The following PRUNE2 variants were observed in gnomAD, a reference collection of about 807,000 sequenced individuals.
PRUNE2 encodes prune homolog 2 with BCH domain, also known as protein prune homolog 2.
Under a neutral mutation model 252.0 loss-of-function variants are expected in PRUNE2, and 164 were observed. The observed-to-expected ratio is 0.65, with a 90% CI of 0.57 to 0.74. The LOEUF is 0.74. Among genes scored for constraint, PRUNE2 ranks in the 30% least tolerant of loss-of-function variants. The probability of loss-of-function intolerance (pLI) is 0.00; values close to 1 mark genes in which losing one functional copy is unlikely to be tolerated. For missense variants in PRUNE2, 3,495 were observed against 3,711.0 expected (o/e 0.94, Z 1.51); for synonymous variants, 1,292 against 1,350.2 (o/e 0.96, Z 0.94).
At chr9:76,642,857 C>G (rs903801138) in intron 12 of PRUNE2, among the ~76,000 whole-genome samples, 13 of 152,162 alleles carry the variant, frequency 8.5e-5, no homozygotes, top group African/African-American at 3.1e-4. Flanking sequence ...ATGGGTGCAG[C>G]CAGAGGCACA....
intron 6 of PRUNE2, among the ~76,000 whole-genome samples, chr9:76,753,426 T>C (rs7046452): frequency 0.66 from 100,179 of 152,028 alleles, 33,735 homozygotes; most frequent in East Asian, 0.83. Flanking sequence ...TGTAGGCCTG[T>C]GTTTTCTACT....
intron 9 of PRUNE2, among the ~76,000 whole-genome samples, chr9:76,685,982 G>A (rs565560598): frequency 1.3e-5 from 2 of 152,280 alleles, no homozygotes; most frequent in East Asian, 1.9e-4. Context: ...AGGTCATCCC[G>A]CTTACTTACA....
chr9:76,691,384 A>T (rs1251854705), intron 9 of PRUNE2, among the ~76,000 whole-genome samples: 1 of 152,240 alleles, frequency 6.6e-6, no homozygotes, highest in African/African-American at 2.4e-5. Context: ...TAACCTGTGT[A>T]TTCCTGGTTG....
intron 5 of PRUNE2, among the ~76,000 whole-genome samples, chr9:76,824,395 T>C (rs560780548): frequency 6.6e-6 from 1 of 152,200 alleles, no homozygotes; most frequent in Non-Finnish European, 1.5e-5. Context: ...TAAGCCCCCA[T>C]GTTTTCTAGT....
Position 76,846,698 on chromosome 9 carries a change from G to A in PRUNE2, c.345-20C>T, listed in dbSNP as rs945409238. On this transcript the variant is annotated intron_variant, in intron 3 of 18. Coordinates refer to ENST00000376718, the MANE Select transcript of PRUNE2 (RefSeq NM_015225.3). ...TCTTCACTGTAAAGCAAATGGAGGG[G>A]AGGAAGAGAAAGGGATATGGCATGT... is the stretch of plus-strand genomic sequence containing the variant. The A allele has an allele frequency of 1.2e-6, 2 of 1,605,596 alleles. No individual in the cohort carries two copies. Among genetic ancestry groups the A allele is most frequent in the East Asian group, 2.2e-5 (1 of 44,820 alleles).
chr9:76,715,842 T>G (rs2047102697), intron 6 of PRUNE2, among the ~76,000 whole-genome samples: 1 of 152,166 alleles, frequency 6.6e-6, no homozygotes, highest in Non-Finnish European at 1.5e-5. Flanking sequence ...ACCTCATTGC[T>G]AAACTTGTAG....
intron 6 of PRUNE2, among the ~76,000 whole-genome samples, chr9:76,807,051 T>TGTGTGTGTGTGTGTGTGCGCGCGC (rs60768420): frequency 7.2e-6 from 1 of 139,338 alleles, no homozygotes; most frequent in African/African-American, 2.8e-5. Flanking sequence ...TGTGTGTGTG[T>TGTGTGTGTGTGTGTGTGCGCGCGC]GCGCGCGCGC....
intron 1 of PRUNE2, among the ~76,000 whole-genome samples, chr9:76,895,896 G>A (rs1405929230): frequency 6.6e-6 from 1 of 152,136 alleles, no homozygotes; most frequent in Non-Finnish European, 1.5e-5. Context: ...TGATTCTCCT[G>A]CCTCAGCCTC....
At chr9:76,796,338 C>T (rs567030492) in intron 6 of PRUNE2, among the ~76,000 whole-genome samples, 2 of 152,134 alleles carry the variant, frequency 1.3e-5, no homozygotes, top group African/African-American at 4.8e-5. Flanking sequence ...GATCATTACC[C>T]CAGGGCACAG....
rs1460149531 is a variant in PRUNE2 at position 76,850,477 on chromosome 9, G to C, written c.330C>G (p.Ser110Arg). 4 of 1,613,640 alleles carry C rather than the reference G, an allele frequency of 2.5e-6. No individual in the cohort carries two copies. The African/African-American group carries it at 4.0e-5, about 16-fold the overall frequency. ...EGKLSITLVG[S>R]SVLASEDKTL... ...GTGGATCTTACCTCGCCAGCACACT[G>C]CTGCCAACAAGTGTTATCGATAACT... The change falls in exon 3 of 19, where the codon AGC becomes AGG. Residue 110 changes from serine to arginine, a missense_variant. By Grantham distance (110) the Ser-to-Arg change is moderately radical. Coordinates refer to ENST00000376718, the MANE Select transcript of PRUNE2 (RefSeq NM_015225.3).
Position 76,711,238 on chromosome 9 carries a change from C to T in PRUNE2, c.1036G>A (p.Val346Ile), listed in dbSNP as rs1411446773. Reference protein sequence around the residue: ...EDPSVTCDQVVLVVKEVINRR... With the variant: ...EDPSVTCDQVILVVKEVINRR... ...TTGATGACTTCCTTGACAACGAGAACCACCTGATCACAAGTCACTGAAGGG... is the reference window on the plus strand; with the variant it reads ...TTGATGACTTCCTTGACAACGAGAATCACCTGATCACAAGTCACTGAAGGG... Residue 346 changes from valine (V) to isoleucine (I), a missense_variant, in exon 8 of 19, where the codon GTT becomes ATT. Val to Ile is a conservative substitution (Grantham distance 29, BLOSUM62 3). Transcript: ENST00000376718. 1.2e-6 allele frequency: 2 copies of T among 1,613,810 alleles called. No individual in the cohort carries two copies. Among genetic ancestry groups the T allele is most frequent in the Admixed American group, 1.7e-5 (1 of 59,990 alleles).
At chr9:76,782,236 AT>A (rs1314468771) in intron 6 of PRUNE2, among the ~76,000 whole-genome samples, 1 of 152,094 alleles carries the variant, frequency 6.6e-6, no homozygotes, top group Non-Finnish European at 1.5e-5. Flanking sequence ...AAAAGAAAGC[AT>A]TGGGAAAGCC....
At chr9:76,632,698 C>T (rs773599269) in intron 15 of PRUNE2, among the ~76,000 whole-genome samples, 27 of 152,148 alleles carry the variant, frequency 1.8e-4, no homozygotes, top group Non-Finnish European at 2.8e-4. Context: ...GCTAGGACTA[C>T]AGGCACATGC....
At chr9:76,694,006 C>A (rs976329828) in intron 9 of PRUNE2, among the ~76,000 whole-genome samples, 1 of 152,070 alleles carries the variant, frequency 6.6e-6, no homozygotes, top group East Asian at 1.9e-4. Context: ...AAAATAACTT[C>A]GGAGCTGGTT....
rs756203841 is a variant in PRUNE2, at chr9:76,710,999, G to A, written c.1275C>T (p.Ser425=). 3 of 1,613,114 alleles carry A rather than the reference G, an allele frequency of 1.9e-6. No homozygotes were observed. The highest frequency in any genetic ancestry group is 1.3e-5 in the African/African-American group (1 of 74,924). Residue 425 remains serine (S), a synonymous_variant, in exon 8 of 19, where the codon AGC becomes AGT. Coordinates refer to ENST00000376718, the MANE Select transcript of PRUNE2 (RefSeq NM_015225.3). ...AQVDANVDLV[S]PDSGLATIRS... ...TAATGGTAGCCAGTCCGCTGTCTGG[G>A]CTAACAAGGTCTACATTGGCATCCA...
intron 1 of PRUNE2, among the ~76,000 whole-genome samples, chr9:76,881,213 G>A (rs991186918): frequency 2.4e-4 from 36 of 152,114 alleles, no homozygotes; most frequent in South Asian, 4.2e-4. Flanking sequence ...TGATCCACCC[G>A]CCTTGGCCTC....
intron 11 of PRUNE2, among the ~76,000 whole-genome samples, chr9:76,645,338 CAG>C (rs1167468103): frequency 2.0e-5 from 3 of 152,148 alleles, no homozygotes; most frequent in Non-Finnish European, 2.9e-5. Flanking sequence ...CTTCAGTGCT[CAG>C]AGTCTTTTGG....
intron 1 of PRUNE2, among the ~76,000 whole-genome samples, chr9:76,887,133 T>C (rs1252674477): frequency 6.6e-6 from 1 of 152,186 alleles, no homozygotes; most frequent in Non-Finnish European, 1.5e-5. Flanking sequence ...CAGGCAGTCA[T>C]ATTCCATAAA....
chr9:76,627,581 G>T (rs1012119017), intron 16 of PRUNE2, among the ~76,000 whole-genome samples: 1 of 152,124 alleles, frequency 6.6e-6, no homozygotes, highest in Non-Finnish European at 1.5e-5. Flanking sequence ...ATTCAGCTGA[G>T]CCCAGCTGAC....
Sources: gnomAD v4.1 joint callset for allele counts (sites outside exome capture counted in the v4.1 genomes callset) on GRCh38, gnomAD v4.1.1 for gene constraint, MANE v1.5 for transcripts, NCBI Gene and HGNC (gene_info 2026-07-23, HGNC 2026-07-21) for gene names.